FHL1: variants seen among roughly 807,000 people sequenced by gnomAD.
The protein encoded by FHL1 is four and a half LIM domains protein 1.
FHL1 carries 1 observed loss-of-function variant against 20.3 expected under a neutral mutation model. The ratio of observed to expected loss-of-function variants is 0.05; its 90% CI spans 0.02 to 0.23. The LOEUF is 0.23. Among genes scored for constraint, FHL1 ranks in the 10% least tolerant of loss-of-function variants. The pLI is 1.00. For missense variants in FHL1, 177 were observed against 234.0 expected, an observed-to-expected ratio of 0.76 and a Z score of 1.59; for synonymous variants, 82 against 88.9, an observed-to-expected ratio of 0.92 and a Z score of 0.44.
chrX:136,155,182 T>C (rs1219901489), intron 1 of FHL1, among the ~76,000 whole-genome samples: 1 of 111,701 alleles, frequency 9.0e-6, no homozygotes, highest in South Asian at 3.8e-4. Context: ...TTCCAGGCTC[T>C]CCGTGGATCC....
intron 1 of FHL1, among the ~76,000 whole-genome samples, chrX:136,199,544 T>C (rs1398405912): frequency 8.9e-6 from 1 of 112,549 alleles, no homozygotes; most frequent in Non-Finnish European, 1.9e-5. Context: ...CCAGGTGCAT[T>C]AGCATGTCTA....
intron 5 of FHL1, chrX:136,209,371 G>C: frequency 8.3e-7 from 1 of 1,211,456 alleles, no homozygotes; most frequent in Non-Finnish European, 1.1e-6. Flanking sequence ...TCCGGGTGGA[G>C]AGAGGACTTG....
chrX:136,206,897 G>A lies in FHL1; in HGVS notation c.205-119G>A, dbSNP rs777910927. ...GAATAGTCACTGTGGGGCAGTCCCA[G>A]GTGTAAGGGACTGTGTCATCTCAGT... On this transcript the variant is annotated intron_variant, in intron 2 of 5. Coordinates refer to ENST00000370683, the MANE Select transcript of FHL1 (RefSeq NM_001159699.2). The A allele has an allele frequency of 9.5e-5, 75 of 790,187 alleles. No homozygotes were observed. The African/African-American group carries it at 1.5e-3, about 15-fold the overall frequency. The allele number at this position is 790,187 out of a possible 1,213,427, so 65.1% of individuals were successfully genotyped here.
At chrX:136,177,922 T>A (rs191083545) in intron 2 of FHL1, among the ~76,000 whole-genome samples, 16 of 112,455 alleles carry the variant, frequency 1.4e-4, no homozygotes, top group Admixed American at 5.6e-4. Context: ...GCCTGGGAGA[T>A]GAATGTTGGA....
chrX:136,207,535 C>T (rs1269520049), intron 3 of FHL1: 14 of 427,062 alleles, frequency 3.3e-5, no homozygotes, highest in Non-Finnish European at 4.5e-5. Flanking sequence ...TCTAAGTGCA[C>T]GCAGGGTATA....
intron 1 of FHL1, among the ~76,000 whole-genome samples, chrX:136,201,715 C>T (rs980962020): frequency 9.0e-6 from 1 of 110,706 alleles, no homozygotes; most frequent in African/African-American, 3.3e-5. Flanking sequence ...CTCTCTTGCC[C>T]TGCTCATGTC....
rs1603270213 is a variant in FHL1 at position 136,206,164 on chromosome X, T to C, written c.23-243T>C. On this transcript the variant is annotated intron_variant, in intron 1 of 5. Transcript: ENST00000370683. Reference sequence around the variant, plus strand: ...TATATCTGAGCAGGGGCTTCTACCATCTCCCCAGGGAATCACTAGCCATCG... The same window carrying C: ...TATATCTGAGCAGGGGCTTCTACCACCTCCCCAGGGAATCACTAGCCATCG... 3.1e-5 allele frequency: 14 copies of C among 446,229 alleles called. No homozygotes were observed. The East Asian group carries it at 4.9e-4, about 15-fold the overall frequency. 36.8% of individuals were successfully genotyped at this position (446,229 alleles called of 1,213,427 possible). A position where few individuals can be genotyped will look rare whatever the true frequency, so the allele number is the denominator to read the frequency against.
upstream of FHL1, among the ~76,000 whole-genome samples, chrX:136,193,325 C>T (rs1426104343): frequency 1.8e-5 from 2 of 111,860 alleles, no homozygotes; most frequent in African/African-American, 3.3e-5. Context: ...ACTGAATTTG[C>T]CGTGTTTGAT....
chrX:136,172,275 T>C (rs1244034852), intron 2 of FHL1, among the ~76,000 whole-genome samples: 1 of 112,505 alleles, frequency 8.9e-6, no homozygotes, highest in Non-Finnish European at 1.9e-5. Context: ...TCCTTTCTTT[T>C]ATTCATTCAT....
intron 2 of FHL1, among the ~76,000 whole-genome samples, chrX:136,191,302 A>G (rs2073425376): frequency 1.8e-5 from 2 of 112,469 alleles, no homozygotes; most frequent in Non-Finnish European, 3.8e-5. Context: ...AGGCAGTCAA[A>G]TGTTGGCCTT....
At chrX:136,208,755 C>G (rs1216478131) in intron 5 of FHL1, 114 bp downstream of exon 5, 10 of 759,008 alleles carry the variant, frequency 1.3e-5, no homozygotes, top group Middle Eastern at 4.3e-4. Flanking sequence ...ATGCCCTTCT[C>G]CCCCTGCTAT....
intron 2 of FHL1, among the ~76,000 whole-genome samples, chrX:136,182,019 A>C: frequency 8.9e-6 from 1 of 112,442 alleles, no homozygotes; most frequent in East Asian, 2.8e-4. Context: ...GAAGGTATAA[A>C]ATAAATGCCC....
intron 1 of FHL1, among the ~76,000 whole-genome samples, chrX:136,153,162 T>C (rs190410486): frequency 3.8e-4 from 42 of 111,455 alleles, no homozygotes; most frequent in Non-Finnish European, 7.2e-4. Flanking sequence ...TTGTTTTGTT[T>C]TGACAACTAA....
upstream of FHL1, chrX:136,146,928 C>A (rs1165006653): frequency 3.0e-6 from 1 of 328,528 alleles, no homozygotes; most frequent in Admixed American, 3.1e-5. Context: ...GGCCTTTCGG[C>A]GCCGCTGCAA....
upstream of FHL1, among the ~76,000 whole-genome samples, chrX:136,193,954 A>G (rs921831814): frequency 6.2e-5 from 6 of 97,234 alleles, no homozygotes; most frequent in African/African-American, 2.3e-4. Flanking sequence ...TCACACCCCA[A>G]CCCCCCCCAG....
intron 2 of FHL1, among the ~76,000 whole-genome samples, chrX:136,187,794 A>C (rs374155002): frequency 8.9e-6 from 1 of 111,885 alleles, no homozygotes; most frequent in East Asian, 2.8e-4. Flanking sequence ...ATTGATATAC[A>C]TTATGAATAT....
intron 1 of FHL1, among the ~76,000 whole-genome samples, chrX:136,164,478 A>T (rs1406726169): frequency 3.6e-5 from 4 of 111,410 alleles, no homozygotes; most frequent in Non-Finnish European, 5.7e-5. Flanking sequence ...CCTTGCCTCT[A>T]TTCTATTTTC....
chrX:136,182,039 A>G (rs2073170336), intron 2 of FHL1, among the ~76,000 whole-genome samples: 1 of 112,399 alleles, frequency 8.9e-6, no homozygotes, highest in African/African-American at 3.2e-5. Flanking sequence ...CCAGTTTTGG[A>G]AAAAATTTAG....
chrX:136,207,676 C>T (rs1388537466), intron 3 of FHL1, 116 bp from the exon 4 acceptor site: 12 of 781,391 alleles, frequency 1.5e-5, no homozygotes, highest in Non-Finnish European at 2.1e-5. Context: ...GGTGTGAGGC[C>T]AGTAACTGCA....
Sources: gnomAD v4.1 joint callset for allele counts (sites outside exome capture counted in the v4.1 genomes callset) on GRCh38, gnomAD v4.1.1 for gene constraint, MANE v1.5 for transcripts, NCBI Gene and HGNC (gene_info 2026-07-23, HGNC 2026-07-21) for gene names.